GALNT13: variants seen among roughly 807,000 people sequenced by gnomAD.
GALNT13 encodes polypeptide N-acetylgalactosaminyltransferase 13, also known as UDP-GalNAc:polypeptide N-acetylgalactosaminyltransferase 13.
Under a neutral mutation model 64.2 loss-of-function variants are expected in GALNT13, and 28 were observed. That is an observed-to-expected ratio of 0.44 (90% CI 0.32 to 0.60). The LOEUF (loss-of-function observed/expected upper bound fraction) is 0.60. GALNT13 is among the 20% of genes least tolerant of loss of function. The probability of loss-of-function intolerance (pLI) is 0.05; values close to 1 mark genes in which losing one functional copy is unlikely to be tolerated. For synonymous variants in GALNT13, 214 were observed against 224.6 expected (o/e 0.95, Z 0.42); for missense variants, 577 against 669.8 (o/e 0.86, Z 1.53).
the GALNT13 span, among the ~76,000 whole-genome samples, chr2:153,476,592 A>G: frequency 6.6e-6 from 1 of 151,942 alleles, no homozygotes; most frequent in Non-Finnish European, 1.5e-5. Context: ...CTGTAGTTCT[A>G]CTCCAAATAT....
intron 10 of GALNT13, among the ~76,000 whole-genome samples, chr2:154,407,404 TTA>T (rs942927331): frequency 2.6e-5 from 4 of 152,138 alleles, no homozygotes; most frequent in African/African-American, 9.7e-5. Context: ...ATAATTCAAC[TTA>T]TATAATTTGA....
At chr2:154,393,905 C>T (rs1447838766) in intron 9 of GALNT13, among the ~76,000 whole-genome samples, 6 of 150,056 alleles carry the variant, frequency 4.0e-5, no homozygotes. Flanking sequence ...GGTGAAACCC[C>T]GTCTCTACTA....
At chr2:153,830,587 G>A in the GALNT13 span, among the ~76,000 whole-genome samples, 3 of 151,958 alleles carry the variant, frequency 2.0e-5, no homozygotes, top group Admixed American at 1.3e-4. Context: ...TGCTAAAGAG[G>A]CTTAATTTTT....
chr2:153,638,743 T>C, the GALNT13 span, among the ~76,000 whole-genome samples: 2 of 151,992 alleles, frequency 1.3e-5, no homozygotes, highest in Admixed American at 1.3e-4. Flanking sequence ...GGTAAGAATT[T>C]GGCGGGGTGG....
chr2:153,487,460 A>C, the GALNT13 span, among the ~76,000 whole-genome samples: 1 of 152,210 alleles, frequency 6.6e-6, no homozygotes, highest in Admixed American at 6.5e-5. Context: ...TAGTGTATTT[A>C]TCCAGGAAAC....
intron 9 of GALNT13, among the ~76,000 whole-genome samples, chr2:154,337,391 A>G (rs1695513729): frequency 6.6e-6 from 1 of 152,098 alleles, no homozygotes; most frequent in African/African-American, 2.4e-5. Flanking sequence ...TATATTTCAA[A>G]TATTTTATTT....
chr2:153,753,956 T>C, the GALNT13 span, among the ~76,000 whole-genome samples: 1 of 152,214 alleles, frequency 6.6e-6, no homozygotes, highest in South Asian at 2.1e-4. Context: ...TTCTCTCCCT[T>C]TTCTAATAAC....
At chr2:154,329,016 C>T (rs766116375) in intron 9 of GALNT13, among the ~76,000 whole-genome samples, 1 of 152,024 alleles carries the variant, frequency 6.6e-6, no homozygotes, top group Non-Finnish European at 1.5e-5. Context: ...TCCTTATTGA[C>T]CTTAAGGTAT....
At chr2:153,238,244 T>C in the GALNT13 span, among the ~76,000 whole-genome samples, 1 of 152,158 alleles carries the variant, frequency 6.6e-6, no homozygotes, top group African/African-American at 2.4e-5. Context: ...CTTTGTCAGA[T>C]GGGTAGCTTA....
chr2:153,344,814 AG>A, the GALNT13 span, among the ~76,000 whole-genome samples: 1 of 152,224 alleles, frequency 6.6e-6, no homozygotes, highest in African/African-American at 2.4e-5. Flanking sequence ...CAATTGTGAT[AG>A]TCATTTCACT....
At chr2:153,285,996 G>T in the GALNT13 span, among the ~76,000 whole-genome samples, 4 of 152,174 alleles carry the variant, frequency 2.6e-5, no homozygotes, top group Admixed American at 2.6e-4. Flanking sequence ...CAAATGGTAG[G>T]ATGTTTATGT....
chr2:153,996,453 T>C (rs538779005), intron 3 of GALNT13, among the ~76,000 whole-genome samples: 1 of 152,252 alleles, frequency 6.6e-6, no homozygotes, highest in South Asian at 2.1e-4. Flanking sequence ...TTTTATCCTA[T>C]ATCTACTGGT....
the GALNT13 span, among the ~76,000 whole-genome samples, chr2:153,279,594 T>A: frequency 8.5e-4 from 6 of 7,084 alleles, no homozygotes; most frequent in Non-Finnish European, 4.4e-3. Context: ...TATTGAAAGA[T>A]TTTTTTCTTG....
the GALNT13 span, among the ~76,000 whole-genome samples, chr2:153,076,140 G>A: frequency 4.1e-4 from 63 of 152,148 alleles, no homozygotes; most frequent in Non-Finnish European, 6.5e-4. Context: ...TAAGGTGCTC[G>A]GTGAAAGGCT....
At chr2:153,984,389 A>G (rs1000821786) in intron 3 of GALNT13, among the ~76,000 whole-genome samples, 3 of 151,878 alleles carry the variant, frequency 2.0e-5, no homozygotes. Flanking sequence ...AGAAGACTGT[A>G]GTATACTAAA....
At chr2:154,275,092 A>T (rs1691568843) in intron 8 of GALNT13, among the ~76,000 whole-genome samples, 1 of 152,200 alleles carries the variant, frequency 6.6e-6, no homozygotes, top group African/African-American at 2.4e-5. Flanking sequence ...ATCTGGCAGA[A>T]GAAATTTCTA....
chr2:153,266,954 C>T, the GALNT13 span, among the ~76,000 whole-genome samples: 2 of 152,240 alleles, frequency 1.3e-5, no homozygotes, highest in Non-Finnish European at 2.9e-5. Flanking sequence ...CCTGTAAAAT[C>T]ACATGCAAGT....
chr2:154,016,686 G>A (rs1697030242), intron 3 of GALNT13, among the ~76,000 whole-genome samples: 1 of 152,136 alleles, frequency 6.6e-6, no homozygotes, highest in Non-Finnish European at 1.5e-5. Context: ...AAAATGCTGG[G>A]ATTACAGGCA....
At chr2:153,611,526 G>T in the GALNT13 span, among the ~76,000 whole-genome samples, 1 of 151,680 alleles carries the variant, frequency 6.6e-6, no homozygotes, top group African/African-American at 2.4e-5. Context: ...CTGCCACCAC[G>T]CCAGGCTAAT....
Sources: allele counts gnomAD v4.1 joint callset (sites outside exome capture counted in the v4.1 genomes callset), GRCh38; gene constraint gnomAD v4.1.1; transcripts MANE v1.5; gene names NCBI Gene and HGNC (gene_info 2026-07-23, HGNC 2026-07-21).